MICAL2: variants seen among roughly 807,000 people sequenced by gnomAD.
MICAL2 encodes [F-actin]-monooxygenase MICAL2.
MICAL2 carries 77 observed loss-of-function variants against 127.3 expected under a neutral mutation model. The ratio of observed to expected loss-of-function variants is 0.60; its 90% CI spans 0.50 to 0.73. The LOEUF (loss-of-function observed/expected upper bound fraction) is 0.73, where lower values mean the gene tolerates loss of function less well. Among genes scored for constraint, MICAL2 ranks in the 30% least tolerant of loss-of-function variants. The pLI is 0.00. For synonymous variants in MICAL2, 570 were observed against 551.1 expected, an observed-to-expected ratio of 1.03 and a Z score of -0.48; for missense variants, 1,351 against 1,434.4, an observed-to-expected ratio of 0.94 and a Z score of 0.94.
chr11:12,227,230 T>G (rs1857598964), intron 15 of MICAL2, 99 bp downstream of exon 15: 1 of 864,294 alleles, frequency 1.2e-6, no homozygotes, highest in Admixed American at 2.3e-5. Context: ...GGCTAGTAAG[T>G]TACATGGATC....
intron 1 of MICAL2, among the ~76,000 whole-genome samples, chr11:12,123,726 A>G (rs1235284820): frequency 6.6e-6 from 1 of 152,132 alleles, no homozygotes; most frequent in Admixed American, 6.5e-5. Context: ...GATCAGTGAA[A>G]TACGTTATTT....
At chr11:12,339,885 C>T (rs1012044009) in intron 32 of MICAL2, among the ~76,000 whole-genome samples, 7 of 152,156 alleles carry the variant, frequency 4.6e-5, no homozygotes, top group African/African-American at 4.8e-5. Flanking sequence ...TTAGGCTACT[C>T]GGGGGTCAGG....
At chr11:12,139,359 G>C (rs1852127396) in intron 2 of MICAL2, among the ~76,000 whole-genome samples, 1 of 152,184 alleles carries the variant, frequency 6.6e-6, no homozygotes, top group African/African-American at 2.4e-5. Context: ...TTCTCTCCGG[G>C]AGCTTTCCTG....
Position 12,188,943 on chromosome 11 carries a change from A to G in MICAL2, c.265-15307A>G, listed in dbSNP as rs545905731. On this transcript the variant is annotated intron_variant, in intron 3 of 27. Coordinates refer to ENST00000683283, the MANE Select transcript of MICAL2 (RefSeq NM_001282663.2). ...TTTCTACACATCTTTTAGATTTTCAATGAGTACCTTACACTCAACAAATAG... is the reference window on the plus strand; with the variant it reads ...TTTCTACACATCTTTTAGATTTTCAGTGAGTACCTTACACTCAACAAATAG... 9.2e-5 allele frequency among the ~76,000 whole-genome samples: 14 copies of G among 152,294 alleles called. No homozygotes were observed. The South Asian group carries it at 1.9e-3, about 20-fold the overall frequency.
At chr11:12,179,689 A>G (rs1162387097) in intron 3 of MICAL2, among the ~76,000 whole-genome samples, 1 of 152,098 alleles carries the variant, frequency 6.6e-6, no homozygotes. Context: ...GGCCCCACCC[A>G]AAGAGACTCT....
At chr11:12,205,285 T>G (rs1389222865) in intron 4 of MICAL2, among the ~76,000 whole-genome samples, 1 of 152,174 alleles carries the variant, frequency 6.6e-6, no homozygotes, top group African/African-American at 2.4e-5. Flanking sequence ...CCTGCAGCTT[T>G]GCAGTGGGGA....
At chr11:12,143,162 T>G (rs931770215) in intron 2 of MICAL2, among the ~76,000 whole-genome samples, 1 of 152,204 alleles carries the variant, frequency 6.6e-6, no homozygotes, top group Non-Finnish European at 1.5e-5. Flanking sequence ...ACTTGGGTAC[T>G]GAAGGATGAT....
At chr11:12,322,192 C>T (rs573008275) in intron 30 of MICAL2, among the ~76,000 whole-genome samples, 7 of 152,132 alleles carry the variant, frequency 4.6e-5, no homozygotes, top group African/African-American at 1.2e-4. Context: ...GGATTTATTA[C>T]GTAGGTTAGT....
At chr11:12,321,969 A>C (rs1387763999) in intron 30 of MICAL2, among the ~76,000 whole-genome samples, 3 of 152,090 alleles carry the variant, frequency 2.0e-5, no homozygotes, top group Admixed American at 1.3e-4. Flanking sequence ...GAAAGGCAGT[A>C]TAGACCAAAT....
chr11:12,334,242 G>A (rs915770225), intron 32 of MICAL2, among the ~76,000 whole-genome samples: 6 of 152,078 alleles, frequency 3.9e-5, no homozygotes, highest in Non-Finnish European at 7.4e-5. Context: ...ATAAAATGGC[G>A]TAGTCACTGC....
In MICAL2 at chr11:12,192,641, G is replaced by A. The variant is rs531856191; in HGVS notation, c.265-11609G>A. On this transcript the variant is annotated intron_variant, in intron 3 of 27. Coordinates refer to ENST00000683283, the MANE Select transcript of MICAL2 (RefSeq NM_001282663.2). ...AAAAATACAAAAATTACCCAGGTGC[G>A]ATGATGGGTACCTGTAATCCCAGCT... is the stretch of plus-strand genomic sequence containing the variant. Among the ~76,000 whole-genome samples the A allele has an allele frequency of 3.9e-5, 6 of 152,216 alleles. No individual in the cohort carries two copies. The South Asian group carries it at 6.2e-4, about 16-fold the overall frequency.
chr11:12,149,882 G>A (rs891263627), intron 2 of MICAL2, among the ~76,000 whole-genome samples: 2 of 152,142 alleles, frequency 1.3e-5, no homozygotes, highest in African/African-American at 2.4e-5. Context: ...GGAGTGTTAC[G>A]GTCCATGACA....
At chr11:12,268,942 T>G (rs376563313) in intron 24 of MICAL2, among the ~76,000 whole-genome samples, 1 of 151,676 alleles carries the variant, frequency 6.6e-6, no homozygotes, top group East Asian at 1.9e-4. Context: ...GAGCTTGCAG[T>G]GAGCCAAGAT....
intron 21 of MICAL2, among the ~76,000 whole-genome samples, chr11:12,245,823 G>A (rs976845343): frequency 7.9e-5 from 12 of 152,166 alleles, no homozygotes; most frequent in African/African-American, 2.9e-4. Context: ...TTAGGGAAAG[G>A]GACCTTCCCC....
chr11:12,163,995 T>A (rs1162821484), intron 3 of MICAL2, among the ~76,000 whole-genome samples: 2 of 152,006 alleles, frequency 1.3e-5, no homozygotes, highest in Non-Finnish European at 1.5e-5. Flanking sequence ...ACCCAACATG[T>A]TGTGGCTGCT....
At chr11:12,311,785 T>C (rs955317739) in intron 29 of MICAL2, among the ~76,000 whole-genome samples, 11 of 152,228 alleles carry the variant, frequency 7.2e-5, no homozygotes, top group African/African-American at 2.7e-4. Context: ...GTGTCCTTTT[T>C]CTGTTCTCTG....
At chr11:12,219,178 C>G (rs575493495) in intron 8 of MICAL2, among the ~76,000 whole-genome samples, 1 of 152,198 alleles carries the variant, frequency 6.6e-6, no homozygotes, top group Admixed American at 6.5e-5. Context: ...CTGGTCCCCT[C>G]CCACTCCAGG....
At chr11:12,281,423 T>C (rs949504549) in intron 2 of MICAL2, among the ~76,000 whole-genome samples, 2 of 152,136 alleles carry the variant, frequency 1.3e-5, no homozygotes, top group Non-Finnish European at 2.9e-5. Context: ...TCCTGCCTCC[T>C]GTATGGGCAC....
rs72867529 is a variant in MICAL2, at chr11:12,240,116, G to A, written c.2214+531G>A. Among the ~76,000 whole-genome samples, 1,236 of 152,336 alleles carry A rather than the reference G, an allele frequency of 8.1e-3. 10 individuals are homozygous for A. The highest frequency in any genetic ancestry group is 0.021 in the South Asian group (103 of 4,828). On this transcript the variant is annotated intron_variant, in intron 17 of 27. Transcript: ENST00000683283. Reference sequence around the variant, plus strand: ...CTGAGTCTGAGCTCACAGTATTGAAGGCCAACCTCCCAGGTGTTTCCTGGC... The same window carrying A: ...CTGAGTCTGAGCTCACAGTATTGAAAGCCAACCTCCCAGGTGTTTCCTGGC...
Sources: gnomAD v4.1 joint callset for allele counts (sites outside exome capture counted in the v4.1 genomes callset) on GRCh38, gnomAD v4.1.1 for gene constraint, MANE v1.5 for transcripts, NCBI Gene and HGNC (gene_info 2026-07-23, HGNC 2026-07-21) for gene names.